Variants in PTPRA observed in about 807,000 individuals in gnomAD.
The protein encoded by PTPRA is receptor-type tyrosine-protein phosphatase alpha.
In PTPRA, 25 loss-of-function variants were observed where a neutral mutation model predicts 104.8. That is an observed-to-expected ratio of 0.24 (90% CI 0.17 to 0.33). The LOEUF (loss-of-function observed/expected upper bound fraction) is 0.33. PTPRA is among the 10% of genes least tolerant of loss of function. PTPRA has a pLI of 1.00. For synonymous variants in PTPRA, 323 were observed against 368.9 expected, an observed-to-expected ratio of 0.88 and a Z score of 1.43; for missense variants, 765 against 1,015.3, an observed-to-expected ratio of 0.75 and a Z score of 3.35.
At chr20:2,906,905 G>T (rs945421222) in intron 1 of PTPRA, among the ~76,000 whole-genome samples, 2 of 152,118 alleles carry the variant, frequency 1.3e-5, no homozygotes, top group African/African-American at 4.8e-5. Flanking sequence ...CCAATGGAAG[G>T]TTAGACAGAA....
At chr20:2,941,664 C>T (rs941154166) in intron 2 of PTPRA, among the ~76,000 whole-genome samples, 4 of 152,140 alleles carry the variant, frequency 2.6e-5, no homozygotes, top group Non-Finnish European at 4.4e-5. Flanking sequence ...CTTGTGTGGC[C>T]CTACCCTGTA....
chr20:2,952,422 C>T (rs1391106839), intron 3 of PTPRA, among the ~76,000 whole-genome samples: 2 of 151,854 alleles, frequency 1.3e-5, no homozygotes, highest in African/African-American at 2.4e-5. Context: ...TACTTATTTT[C>T]TTACTGTTGA....
chr20:2,872,153 G>A (rs1245991284), upstream of PTPRA, among the ~76,000 whole-genome samples: 1 of 151,854 alleles, frequency 6.6e-6, no homozygotes, highest in Non-Finnish European at 1.5e-5. This position sits in a 1 kb window ranked among gnomAD's most constrained non-coding sequence, Gnocchi z 7.9. Context: ...ATACGGAGGA[G>A]TGGGGCACAG....
Position 2,884,229 on chromosome 20 carries a change from G to A in PTPRA, c.-129+10469G>A, listed in dbSNP as rs547034100. On this transcript the variant is annotated intron_variant, in intron 1 of 23. Transcript: ENST00000399903. ...ATGTATAAATTTTTGTGTAGTCATA[G>A]GTTTTAATTTCTCTTGGGTATATAT... is the stretch of plus-strand genomic sequence containing the variant. 1.2e-3 allele frequency among the ~76,000 whole-genome samples: 176 copies of A among 149,148 alleles called. 1 individual carries two copies. Among genetic ancestry groups the A allele is most frequent in the Non-Finnish European group, 2.3e-3 (159 of 67,848 alleles).
intron 5 of PTPRA, among the ~76,000 whole-genome samples, chr20:2,966,539 A>G (rs906075621): frequency 6.6e-6 from 1 of 152,222 alleles, no homozygotes; most frequent in Non-Finnish European, 1.5e-5. Context: ...GCATCCCACT[A>G]TTCTTGATGA....
At chr20:2,893,324 C>T (rs6138929) in intron 1 of PTPRA, among the ~76,000 whole-genome samples, 58,121 of 151,960 alleles carry the variant, frequency 0.38, 11,813 homozygotes, top group East Asian at 0.64. Context: ...TTAAATGAGA[C>T]GACATGACCT....
intron 1 of PTPRA, among the ~76,000 whole-genome samples, chr20:2,906,278 G>A (rs1279406868): frequency 6.6e-6 from 1 of 152,106 alleles, no homozygotes; most frequent in East Asian, 1.9e-4. Context: ...CTGATATACT[G>A]TACTTTTTCA....
chr20:3,023,540 GT>G (rs2064989002), intron 16 of PTPRA, among the ~76,000 whole-genome samples: 1 of 152,216 alleles, frequency 6.6e-6, no homozygotes, highest in South Asian at 2.1e-4. Context: ...GCACTGAGAT[GT>G]TTGTGTAAAG....
chr20:2,975,993 A>G (rs1371519182), intron 6 of PTPRA, among the ~76,000 whole-genome samples: 3 of 152,164 alleles, frequency 2.0e-5, no homozygotes, highest in Admixed American at 2.0e-4. Flanking sequence ...ACCATACACA[A>G]TTTTCCCTGT....
intron 5 of PTPRA, among the ~76,000 whole-genome samples, chr20:2,967,890 A>T (rs570302610): frequency 4.6e-5 from 7 of 152,186 alleles, no homozygotes; most frequent in African/African-American, 1.7e-4. Flanking sequence ...AATTCTTACC[A>T]TGCTCTCCAG....
At chr20:3,014,284 G>A (rs2064325918) in intron 11 of PTPRA, among the ~76,000 whole-genome samples, 1 of 152,128 alleles carries the variant, frequency 6.6e-6, no homozygotes, top group Admixed American at 6.5e-5. Context: ...GAGGCCTAAA[G>A]CTTTCTCCTT....
intron 13 of PTPRA, among the ~76,000 whole-genome samples, chr20:3,019,401 G>A (rs1325369629): frequency 6.6e-5 from 10 of 150,406 alleles, no homozygotes; most frequent in African/African-American, 1.2e-4. Context: ...CTCAGACGGG[G>A]CGGTTGCCAG....
At chr20:2,889,312 C>G (rs747950697) in intron 1 of PTPRA, among the ~76,000 whole-genome samples, 27 of 151,984 alleles carry the variant, frequency 1.8e-4, no homozygotes, top group Non-Finnish European at 3.5e-4. Flanking sequence ...TGCTCCAGGC[C>G]CCTTACTTAG....
intron 1 of PTPRA, among the ~76,000 whole-genome samples, chr20:2,906,691 TTATC>T (rs772355566): frequency 7.5e-4 from 114 of 152,322 alleles, no homozygotes; most frequent in African/African-American, 2.5e-3. Flanking sequence ...TTGCAAGTAT[TTATC>T]TATTAATGCA....
At chr20:2,865,260 G>T in the PTPRA span, 1 of 1,614,140 alleles carries the variant, frequency 6.2e-7, no homozygotes, top group Non-Finnish European at 8.5e-7. The surrounding 1 kb of genome is among the most constrained non-coding windows in gnomAD (Gnocchi z 5.2). Flanking sequence ...CTCATTCTTG[G>T]CGGTCACAAC....
chr20:3,036,062 A>G, intron 22 of PTPRA, 121 bp downstream of exon 22: 1 of 1,497,752 alleles, frequency 6.7e-7, no homozygotes, highest in Non-Finnish European at 8.9e-7. Context: ...GTGAGCACAT[A>G]GTAGTTGAGA....
At chr20:2,905,157 C>G (rs1050926293) in intron 1 of PTPRA, among the ~76,000 whole-genome samples, 3 of 152,178 alleles carry the variant, frequency 2.0e-5, no homozygotes, top group African/African-American at 7.2e-5. Flanking sequence ...AATCTAATGC[C>G]TGATGATCTG....
At chr20:2,865,310 G>A in the PTPRA span, 2 of 1,614,164 alleles carry the variant, frequency 1.2e-6, no homozygotes, top group South Asian at 1.1e-5. This position sits in a 1 kb window ranked among gnomAD's most constrained non-coding sequence, Gnocchi z 5.2. Flanking sequence ...CCGCATCCCT[G>A]ACAAGAGGTA....
intron 16 of PTPRA, among the ~76,000 whole-genome samples, chr20:3,023,910 C>T (rs980616655): frequency 6.6e-6 from 1 of 152,188 alleles, no homozygotes; most frequent in Non-Finnish European, 1.5e-5. Flanking sequence ...ATGAAGGGCT[C>T]TTATAAATTA....
Sources: gnomAD v4.1 joint callset for allele counts (sites outside exome capture counted in the v4.1 genomes callset) on GRCh38, gnomAD v4.1.1 for gene constraint, Gnocchi (gnomAD v3.1) non-coding constraint, MANE v1.5 for transcripts, NCBI Gene and HGNC (gene_info 2026-07-23, HGNC 2026-07-21) for gene names.